The following CLMN variants were observed in gnomAD, a reference collection of about 807,000 sequenced individuals.
CLMN encodes calmin.
A neutral mutation model predicts 92.7 loss-of-function variants in CLMN; 57 were observed. The observed-to-expected ratio is 0.61, with a 90% CI of 0.50 to 0.77. The LOEUF (loss-of-function observed/expected upper bound fraction) is 0.77. Ranked by LOEUF, CLMN falls within the 30% of genes least tolerant of loss-of-function variation. The probability of loss-of-function intolerance (pLI) is 0.00; values close to 1 mark genes in which losing one functional copy is unlikely to be tolerated. For missense variants in CLMN, 1,158 were observed against 1,237.5 expected (o/e 0.94, Z 0.96); for synonymous variants, 466 against 470.6 (o/e 0.99, Z 0.13).
chr14:95,241,718 ACAATAC>A (rs1332790941), intron 1 of CLMN, among the ~76,000 whole-genome samples: 1 of 152,238 alleles, frequency 6.6e-6, no homozygotes, highest in African/African-American at 2.4e-5. Context: ...TGACAATGTG[ACAATAC>A]CAATGCTGCA....
chr14:95,210,611 G>C, intron 7 of CLMN, 75 bp downstream of exon 7: 3 of 1,479,402 alleles, frequency 2.0e-6, no homozygotes, highest in Non-Finnish European at 2.8e-6. Context: ...GTATTTTCCA[G>C]ATTTTCCACA....
intron 1 of CLMN, among the ~76,000 whole-genome samples, chr14:95,297,422 C>T (rs978540341): frequency 6.6e-6 from 1 of 152,122 alleles, no homozygotes; most frequent in East Asian, 1.9e-4. Context: ...TGAGTTCTGG[C>T]AAACAAATAA....
chr14:95,242,962 G>C (rs1236590627), intron 1 of CLMN, among the ~76,000 whole-genome samples: 1 of 152,136 alleles, frequency 6.6e-6, no homozygotes, highest in Non-Finnish European at 1.5e-5. Context: ...TTTTTTTTCT[G>C]TTAAGGGCCA....
chr14:95,273,366 AG>A (rs1431820722), intron 1 of CLMN, among the ~76,000 whole-genome samples: 1 of 152,208 alleles, frequency 6.6e-6, no homozygotes, highest in Admixed American at 6.5e-5. Flanking sequence ...CACGTCAAGA[AG>A]GGCTCCTCCC....
chr14:95,230,903 A>T (rs1402577460), intron 1 of CLMN, among the ~76,000 whole-genome samples: 1 of 152,224 alleles, frequency 6.6e-6, no homozygotes, highest in East Asian at 1.9e-4. Flanking sequence ...GAAGGACATA[A>T]ACCAGGAATG....
chr14:95,193,483 C>T, intron 12 of CLMN: 2 of 998,590 alleles, frequency 2.0e-6, no homozygotes, highest in Non-Finnish European at 3.0e-6. Flanking sequence ...CACAGCCTCA[C>T]AAGACCACCA....
At chr14:95,209,163 C>T (rs910311761) in intron 8 of CLMN, among the ~76,000 whole-genome samples, 2 of 152,116 alleles carry the variant, frequency 1.3e-5, no homozygotes, top group South Asian at 2.1e-4. Context: ...CGGTACTATC[C>T]GAAGTTTCAA....
intron 1 of CLMN, among the ~76,000 whole-genome samples, chr14:95,252,321 A>G (rs955667507): frequency 5.3e-5 from 8 of 152,152 alleles, no homozygotes; most frequent in African/African-American, 1.9e-4. Context: ...AGTGGGGATA[A>G]TGAGAGCCCA....
At chr14:95,240,030 C>T (rs1416744832) in intron 1 of CLMN, among the ~76,000 whole-genome samples, 1 of 152,174 alleles carries the variant, frequency 6.6e-6, no homozygotes, top group Non-Finnish European at 1.5e-5. Context: ...GTATTCAGTA[C>T]AGTAACAAGC....
intron 1 of CLMN, among the ~76,000 whole-genome samples, chr14:95,262,698 C>T (rs539542557): frequency 2.2e-4 from 34 of 152,320 alleles, no homozygotes; most frequent in African/African-American, 8.2e-4. Context: ...TTCCGAGTAG[C>T]TGGGACTACA....
At chr14:95,233,322 TCCCTCCATCCAC>T (rs1031858258) in intron 1 of CLMN, among the ~76,000 whole-genome samples, 2 of 151,716 alleles carry the variant, frequency 1.3e-5, no homozygotes, top group Non-Finnish European at 2.9e-5. Context: ...CCATCCATCA[TCCCTCCATCCAC>T]CCATCCATCC....
At chr14:95,247,532 C>T (rs1339293156) in intron 1 of CLMN, among the ~76,000 whole-genome samples, 2 of 152,206 alleles carry the variant, frequency 1.3e-5, no homozygotes, top group African/African-American at 4.8e-5. Flanking sequence ...CTTTGCTCTG[C>T]ACTGTGCACA....
intron 1 of CLMN, among the ~76,000 whole-genome samples, chr14:95,255,890 T>C (rs1331809586): frequency 1.3e-5 from 2 of 152,220 alleles, no homozygotes; most frequent in African/African-American, 4.8e-5. Flanking sequence ...TTTTTGTGCA[T>C]GAGTGTGGCG....
At position 95,294,321 on chromosome 14, in the gene CLMN, T is replaced by C. The variant is rs1011191611; in HGVS notation, c.82+25390A>G. ...CAGAACAGCAGAATTACAGTTAAGA[T>C]CGCTGCAATGAAGCAGGAAAAAGCT... On this transcript the variant is annotated intron_variant, in intron 1 of 12. Transcript: ENST00000298912. This position sits in a 1 kb window ranked among gnomAD's most constrained non-coding sequence, Gnocchi z 4.2. Among the ~76,000 whole-genome samples the C allele has an allele frequency of 1.3e-5, 2 of 152,156 alleles. No individual in the cohort carries two copies. The highest frequency in any genetic ancestry group is 2.9e-5 in the Non-Finnish European group (2 of 68,030).
At chr14:95,317,910 C>T (rs189493692) in intron 1 of CLMN, among the ~76,000 whole-genome samples, 11 of 152,200 alleles carry the variant, frequency 7.2e-5, no homozygotes, top group Admixed American at 3.3e-4. Flanking sequence ...TAAATTGTAA[C>T]TGATGTTTGC....
intron 1 of CLMN, among the ~76,000 whole-genome samples, chr14:95,252,779 G>A (rs1898840528): frequency 6.6e-6 from 1 of 152,164 alleles, no homozygotes; most frequent in South Asian, 2.1e-4. Flanking sequence ...AAACCCAAGT[G>A]AGTCTCCCCA....
At chr14:95,291,775 A>C (rs1374163627) in intron 1 of CLMN, among the ~76,000 whole-genome samples, 1 of 152,220 alleles carries the variant, frequency 6.6e-6, no homozygotes, top group Non-Finnish European at 1.5e-5. Context: ...GGTACCAAAA[A>C]GCATGCAAAG....
At chr14:95,208,188 C>T (rs189086529) in intron 8 of CLMN, among the ~76,000 whole-genome samples, 1 of 152,226 alleles carries the variant, frequency 6.6e-6, no homozygotes, top group East Asian at 1.9e-4. Context: ...CGTTTTTGCT[C>T]ACTTATAACT....
chr14:95,305,271 A>G (rs954616598), intron 1 of CLMN, among the ~76,000 whole-genome samples: 9 of 152,208 alleles, frequency 5.9e-5, no homozygotes, highest in Non-Finnish European at 1.0e-4. Context: ...TCATAAAGCT[A>G]GTAAGCGGCA....
Sources: gnomAD v4.1 joint callset for allele counts (sites outside exome capture counted in the v4.1 genomes callset) on GRCh38, gnomAD v4.1.1 for gene constraint, Gnocchi (gnomAD v3.1) non-coding constraint, MANE v1.5 for transcripts, NCBI Gene and HGNC (gene_info 2026-07-23, HGNC 2026-07-21) for gene names.